TMEM74: variants seen among roughly 807,000 people sequenced by gnomAD.
The protein encoded by TMEM74 is transmembrane protein 74.
Under a neutral mutation model 18.1 loss-of-function variants are expected in TMEM74, and 13 were observed. That is an observed-to-expected ratio of 0.72 (90% CI 0.47 to 1.14). The LOEUF (loss-of-function observed/expected upper bound fraction) is 1.14, where lower values mean the gene tolerates loss of function less well. Among genes scored for constraint, TMEM74 ranks in the 50% most tolerant of loss-of-function variants. TMEM74 has a pLI of 0.00. For missense variants in TMEM74, 372 were observed against 375.9 expected (o/e 0.99, Z 0.09); for synonymous variants, 159 against 146.6 (o/e 1.08, Z -0.61).
At chr8:108,714,284 T>C (rs1813502040) in intron 1 of TMEM74, among the ~76,000 whole-genome samples, 1 of 152,072 alleles carries the variant, frequency 6.6e-6, no homozygotes, top group African/African-American at 2.4e-5. Flanking sequence ...AGGAGGACAA[T>C]AACTGAATAA....
intron 1 of TMEM74, among the ~76,000 whole-genome samples, chr8:108,728,693 G>C (rs1026791015): frequency 6.6e-6 from 1 of 152,162 alleles, no homozygotes; most frequent in African/African-American, 2.4e-5. Context: ...AGATAAACTA[G>C]TTGAGTACCA....
At chr8:108,763,715 C>T (rs930572005) in intron 1 of TMEM74, among the ~76,000 whole-genome samples, 1 of 152,082 alleles carries the variant, frequency 6.6e-6, no homozygotes, top group East Asian at 1.9e-4. Flanking sequence ...TACTGGTATT[C>T]TTATTTTAAT....
chr8:108,614,943 G>A (rs1812368921), intron 2 of TMEM74, among the ~76,000 whole-genome samples: 2 of 152,082 alleles, frequency 1.3e-5, no homozygotes, highest in African/African-American at 2.4e-5. Flanking sequence ...TGTATGAATA[G>A]AATGTTCTGA....
At chr8:108,659,591 G>C (rs1995112) in intron 1 of TMEM74, among the ~76,000 whole-genome samples, 113,536 of 152,024 alleles carry the variant, frequency 0.75, 43,306 homozygotes, top group East Asian at 0.99. Flanking sequence ...GTCTCTGGAC[G>C]AAACTCTTCT....
At chr8:108,626,397 A>G (rs1162205576) in intron 2 of TMEM74, among the ~76,000 whole-genome samples, 1 of 152,054 alleles carries the variant, frequency 6.6e-6, no homozygotes, top group Non-Finnish European at 1.5e-5. Flanking sequence ...ATATGTAACA[A>G]AAGCCTAGAG....
At chr8:108,775,016 T>C (rs1814212203), downstream of TMEM74, among the ~76,000 whole-genome samples, 1 of 152,140 alleles carries the variant, frequency 6.6e-6, no homozygotes, top group South Asian at 2.1e-4. Flanking sequence ...AGTATTCTCA[T>C]AAAGTTGCCA....
chr8:108,620,862 C>T (rs563658075), intron 2 of TMEM74, among the ~76,000 whole-genome samples: 9 of 152,184 alleles, frequency 5.9e-5, no homozygotes, highest in Admixed American at 2.6e-4. Flanking sequence ...AGCATCATGA[C>T]ATAGAAGTGA....
intron 1 of TMEM74, among the ~76,000 whole-genome samples, chr8:108,762,479 C>T (rs1489404150): frequency 6.6e-6 from 1 of 152,042 alleles, no homozygotes; most frequent in African/African-American, 2.4e-5. Flanking sequence ...CTTTGTTTAT[C>T]TGTCGTAAGT....
In TMEM74 at chr8:108,627,271, G is replaced by A. The variant is rs139426447; in HGVS notation, n.265-18445C>T. ...TGAATAAAGCAAGCTATAGACAAAG[G>A]GCTCTGTCATATGGTATCCAGCTCC... On this transcript the variant is annotated intron_variant and non_coding_transcript_variant, in intron 2 of 3. Transcript: ENST00000518838. Among the ~76,000 whole-genome samples, 152 of 152,062 alleles carry A rather than the reference G, an allele frequency of 1.0e-3. 2 individuals carry two copies. In the East Asian group the frequency reaches 0.023, roughly 23 times the overall value.
chr8:108,632,597 A>G (rs750551880), intron 2 of TMEM74, among the ~76,000 whole-genome samples: 18 of 152,052 alleles, frequency 1.2e-4, no homozygotes, highest in African/African-American at 4.1e-4. Context: ...AGTGAAAGTC[A>G]CATGAAGTAG....
At chr8:108,753,004 C>A (rs1166989182) in intron 1 of TMEM74, among the ~76,000 whole-genome samples, 1 of 152,034 alleles carries the variant, frequency 6.6e-6, no homozygotes, top group Non-Finnish European at 1.5e-5. Flanking sequence ...CACAGCCATA[C>A]TTTTGTCACA....
chr8:108,751,964 G>C (rs1225489448), intron 1 of TMEM74, among the ~76,000 whole-genome samples: 1 of 152,112 alleles, frequency 6.6e-6, no homozygotes, highest in African/African-American at 2.4e-5. Context: ...CTTTATTAAA[G>C]AGAAAGAGGA....
At chr8:108,685,025 G>A (rs1038185775) in intron 1 of TMEM74, among the ~76,000 whole-genome samples, 1 of 152,120 alleles carries the variant, frequency 6.6e-6, no homozygotes, top group Admixed American at 6.5e-5. Flanking sequence ...ACTTTAGGTA[G>A]TATTGTCATT....
At chr8:108,759,578 T>A (rs1814017072) in intron 1 of TMEM74, among the ~76,000 whole-genome samples, 1 of 152,082 alleles carries the variant, frequency 6.6e-6, no homozygotes, top group South Asian at 2.1e-4. Context: ...GAAGAAAAGA[T>A]CCTTGATATA....
downstream of TMEM74, among the ~76,000 whole-genome samples, chr8:108,775,797 G>T (rs1327633120): frequency 6.6e-6 from 1 of 152,164 alleles, no homozygotes; most frequent in Non-Finnish European, 1.5e-5. Context: ...CTCATCATTT[G>T]TATAAGGTGT....
At chr8:108,646,102 G>A (rs1458596471) in intron 2 of TMEM74, among the ~76,000 whole-genome samples, 24 of 145,426 alleles carry the variant, frequency 1.7e-4, no homozygotes, top group African/African-American at 5.9e-4. Flanking sequence ...TTTTTGGAAA[G>A]AGTCTAATAA....
chr8:108,673,876 A>T (rs1813028090), intron 1 of TMEM74, among the ~76,000 whole-genome samples: 1 of 152,338 alleles, frequency 6.6e-6, no homozygotes, highest in Non-Finnish European at 1.5e-5. Context: ...ACTGGATAGT[A>T]TTTAGCCTAT....
chr8:108,693,340 T>C (rs1813249200), intron 1 of TMEM74, among the ~76,000 whole-genome samples: 1 of 152,188 alleles, frequency 6.6e-6, no homozygotes, highest in Admixed American at 6.5e-5. Flanking sequence ...CTTTAAAAAG[T>C]TAAACCATGA....
chr8:108,624,887 ATTATT>A (rs1447778939), intron 2 of TMEM74, among the ~76,000 whole-genome samples: 1 of 151,946 alleles, frequency 6.6e-6, no homozygotes, highest in African/African-American at 2.4e-5. Flanking sequence ...CATCTTTCAG[ATTATT>A]TTATTATATT....
Sources: allele counts gnomAD v4.1 joint callset (sites outside exome capture counted in the v4.1 genomes callset), GRCh38; gene constraint gnomAD v4.1.1; transcripts MANE v1.5; gene names NCBI Gene and HGNC (gene_info 2026-07-23, HGNC 2026-07-21).